LRBA: variants seen among roughly 807,000 people sequenced by gnomAD.
The protein encoded by LRBA is LPS responsive beige-like anchor protein.
Under a neutral mutation model 330.0 loss-of-function variants are expected in LRBA, and 176 were observed. That is an observed-to-expected ratio of 0.53 (90% CI 0.47 to 0.60). The LOEUF is 0.60. LRBA is among the 20% of genes least tolerant of loss of function. The pLI is 0.00. For missense variants in LRBA, 3,259 were observed against 3,444.8 expected, an observed-to-expected ratio of 0.95 and a Z score of 1.35; for synonymous variants, 1,230 against 1,193.0, an observed-to-expected ratio of 1.03 and a Z score of -0.64.
chr4:150,846,887 T>C (rs1403976756), intron 26 of LRBA, among the ~76,000 whole-genome samples: 3 of 152,180 alleles, frequency 2.0e-5, no homozygotes, highest in Non-Finnish European at 4.4e-5. Flanking sequence ...TCCGTGGCTA[T>C]GAAAAACTAG....
intron 52 of LRBA, among the ~76,000 whole-genome samples, chr4:150,306,019 GAA>G (rs1730310310): frequency 9.6e-6 from 1 of 104,484 alleles, no homozygotes; most frequent in South Asian, 2.6e-4. Flanking sequence ...ACAAGCACTA[GAA>G]TATCCCTTTT....
At chr4:150,530,516 A>G (rs749960987) in intron 40 of LRBA, among the ~76,000 whole-genome samples, 3 of 152,212 alleles carry the variant, frequency 2.0e-5, no homozygotes, top group Non-Finnish European at 4.4e-5. Context: ...TGGTGTATAA[A>G]TACCACAGCT....
chr4:150,892,907 T>C (rs2127097386), intron 17 of LRBA, 145 bp downstream of exon 17: 1 of 517,798 alleles, frequency 1.9e-6, no homozygotes, highest in South Asian at 4.0e-5. Flanking sequence ...AAAAAATGCA[T>C]GATTATAAAT....
chr4:150,786,103 T>C (rs975538791), intron 34 of LRBA, among the ~76,000 whole-genome samples: 1 of 152,230 alleles, frequency 6.6e-6, no homozygotes, highest in Non-Finnish European at 1.5e-5. Flanking sequence ...GCCTGAATTC[T>C]GTTAAGATGT....
chr4:150,667,897 C>T (rs918497895), intron 37 of LRBA, among the ~76,000 whole-genome samples: 1 of 152,194 alleles, frequency 6.6e-6, no homozygotes, highest in African/African-American at 2.4e-5. Context: ...TAGACTAAGA[C>T]AAGCCTCCAG....
At chr4:150,551,788 T>C (rs749518225) in intron 40 of LRBA, among the ~76,000 whole-genome samples, 7 of 152,184 alleles carry the variant, frequency 4.6e-5, no homozygotes, top group African/African-American at 7.2e-5. Context: ...TTAAGTCCCA[T>C]AGAAAAGTCT....
intron 37 of LRBA, among the ~76,000 whole-genome samples, chr4:150,683,043 C>T (rs538529878): frequency 6.6e-6 from 1 of 151,928 alleles, no homozygotes; most frequent in South Asian, 2.1e-4. Flanking sequence ...AGGCATTTAA[C>T]CAAGTTTATC....
At chr4:150,897,414 T>C (rs1730209507) in intron 15 of LRBA, among the ~76,000 whole-genome samples, 1 of 152,058 alleles carries the variant, frequency 6.6e-6, no homozygotes, top group African/African-American at 2.4e-5. Flanking sequence ...ACAAGGAGCC[T>C]GCTAAAAATG....
intron 43 of LRBA, among the ~76,000 whole-genome samples, chr4:150,469,268 A>C (rs1354168944): frequency 6.6e-6 from 1 of 152,170 alleles, no homozygotes; most frequent in East Asian, 1.9e-4. Flanking sequence ...ATGTTTATCT[A>C]TATGTGGCAC....
intron 37 of LRBA, among the ~76,000 whole-genome samples, chr4:150,676,986 A>T (rs1276442742): frequency 1.3e-5 from 2 of 152,174 alleles, no homozygotes; most frequent in Non-Finnish European, 2.9e-5. Flanking sequence ...CTCTGAATCA[A>T]TCTTATCCTT....
At chr4:150,371,182 ATTTTT>A (rs70937395) in intron 47 of LRBA, among the ~76,000 whole-genome samples, 5 of 91,900 alleles carry the variant, frequency 5.4e-5, no homozygotes, top group African/African-American at 2.4e-4. Context: ...AAGCTACTAA[ATTTTT>A]TTTTTTTTTT....
chr4:150,264,763 C>G lies in LRBA; in HGVS notation c.*959G>C, dbSNP rs1051557459. On this transcript the variant is annotated 3_prime_UTR_variant, in exon 57 of 57. Coordinates refer to ENST00000651943, the MANE Select transcript of LRBA (RefSeq NM_001364905.1). ...ACTAGAAAAGTAGAATTATACACCACCAAATAACATTGTTTCGTTTCTTAG... is the reference window on the plus strand; with the variant it reads ...ACTAGAAAAGTAGAATTATACACCAGCAAATAACATTGTTTCGTTTCTTAG... 1 of 152,638 alleles carries G rather than the reference C, an allele frequency of 6.6e-6. No individual in the cohort carries two copies. Among genetic ancestry groups the G allele is most frequent in the Non-Finnish European group, 1.5e-5 (1 of 68,050 alleles). The allele number at this position is 152,638 out of a possible 1,614,324, so 9.5% of individuals were successfully genotyped here.
At chr4:150,694,604 C>T (rs1386246690) in intron 36 of LRBA, among the ~76,000 whole-genome samples, 5 of 152,052 alleles carry the variant, frequency 3.3e-5, no homozygotes, top group Non-Finnish European at 7.4e-5. Context: ...GTAGTGATTC[C>T]TCTGTCATGC....
At chr4:150,314,238 T>C (rs1365104566) in intron 51 of LRBA, among the ~76,000 whole-genome samples, 1 of 152,122 alleles carries the variant, frequency 6.6e-6, no homozygotes, top group Non-Finnish European at 1.5e-5. Context: ...CAAATGGGCT[T>C]TATTATTTTC....
chr4:150,675,041 A>C lies in LRBA; in HGVS notation c.5921+8510T>G, dbSNP rs569681394. ...AGACCAGCCTGGGCAACATAGTGAG[A>C]CTTTGTTGCCCAGAAAGAAAAAAAA... On this transcript the variant is annotated intron_variant, in intron 37 of 56. Coordinates refer to ENST00000651943, the MANE Select transcript of LRBA (RefSeq NM_001364905.1). Among the ~76,000 whole-genome samples, 297 of 152,174 alleles carry C rather than the reference A, an allele frequency of 2.0e-3. 2 individuals are homozygous for C. Among genetic ancestry groups the C allele is most frequent in the African/African-American group, 7.0e-3 (289 of 41,526 alleles).
intron 40 of LRBA, among the ~76,000 whole-genome samples, chr4:150,514,260 CG>C (rs1395554471): frequency 6.6e-6 from 1 of 151,592 alleles, no homozygotes; most frequent in Admixed American, 6.6e-5. Flanking sequence ...TTAGTAGAGA[CG>C]GGGTTTCACC....
At chr4:150,734,464 T>C (rs1387012598) in intron 36 of LRBA, among the ~76,000 whole-genome samples, 2 of 152,142 alleles carry the variant, frequency 1.3e-5, no homozygotes, top group Non-Finnish European at 2.9e-5. Context: ...AAAATTCACT[T>C]GGAAGATTTT....
intron 37 of LRBA, among the ~76,000 whole-genome samples, chr4:150,607,954 G>C (rs566404429): frequency 6.6e-6 from 1 of 152,226 alleles, no homozygotes; most frequent in Non-Finnish European, 1.5e-5. Flanking sequence ...AGAATTGCTT[G>C]AACCTGGGAG....
At chr4:150,876,938 C>T (rs905103159) in intron 17 of LRBA, among the ~76,000 whole-genome samples, 1 of 152,076 alleles carries the variant, frequency 6.6e-6, no homozygotes, top group Non-Finnish European at 1.5e-5. Context: ...AAAAACAAAA[C>T]TCATCCATCT....
Sources: allele counts gnomAD v4.1 joint callset (sites outside exome capture counted in the v4.1 genomes callset), GRCh38; gene constraint gnomAD v4.1.1; transcripts MANE v1.5; gene names NCBI Gene and HGNC (gene_info 2026-07-23, HGNC 2026-07-21).